Variants in MACROD2 observed in about 807,000 individuals in gnomAD.
The protein encoded by MACROD2 is ADP-ribose glycohydrolase MACROD2.
MACROD2 carries 36 observed loss-of-function variants against 70.4 expected under a neutral mutation model. That is an observed-to-expected ratio of 0.51 (90% CI 0.39 to 0.68). MACROD2 has a LOEUF of 0.68. Ranked by LOEUF, MACROD2 falls within the 30% of genes least tolerant of loss-of-function variation. The probability of loss-of-function intolerance (pLI) is 0.00; values close to 1 mark genes in which losing one functional copy is unlikely to be tolerated. For missense variants in MACROD2, 496 were observed against 538.4 expected, an observed-to-expected ratio of 0.92 and a Z score of 0.78; for synonymous variants, 172 against 178.8, an observed-to-expected ratio of 0.96 and a Z score of 0.30.
At chr20:15,582,369 C>T (rs1403084636) in intron 8 of MACROD2, among the ~76,000 whole-genome samples, 1 of 152,024 alleles carries the variant, frequency 6.6e-6, no homozygotes, top group African/African-American at 2.4e-5. Flanking sequence ...TTCAGCTAGA[C>T]CCTGGGAGGC....
chr20:15,049,431 CT>C (rs1169701296), intron 5 of MACROD2, among the ~76,000 whole-genome samples: 2 of 151,612 alleles, frequency 1.3e-5, no homozygotes, highest in Non-Finnish European at 2.9e-5. Flanking sequence ...ACAATTCTAT[CT>C]CATCATTGGC....
intron 2 of MACROD2, among the ~76,000 whole-genome samples, chr20:14,033,023 T>C (rs1462421833): frequency 6.6e-6 from 1 of 151,970 alleles, no homozygotes; most frequent in Non-Finnish European, 1.5e-5. Context: ...ATTAAGACTC[T>C]CTTCATTCTA....
At chr20:15,085,906 A>G (rs1214366627) in intron 5 of MACROD2, among the ~76,000 whole-genome samples, 1 of 151,392 alleles carries the variant, frequency 6.6e-6, no homozygotes, top group Non-Finnish European at 1.5e-5. Flanking sequence ...ACACACACAC[A>G]CACACAGATT....
chr20:14,001,870 A>C (rs1448465108), intron 1 of MACROD2, among the ~76,000 whole-genome samples: 1 of 152,200 alleles, frequency 6.6e-6, no homozygotes, highest in Non-Finnish European at 1.5e-5. Context: ...GGCTAGCACC[A>C]GGCCATGAGG....
At chr20:15,940,082 G>C (rs2065728311) in intron 12 of MACROD2, among the ~76,000 whole-genome samples, 1 of 152,066 alleles carries the variant, frequency 6.6e-6, no homozygotes, top group Admixed American at 6.6e-5. Flanking sequence ...AGGTTTGAGA[G>C]TATTGAGTTC....
intron 2 of MACROD2, among the ~76,000 whole-genome samples, chr20:14,066,723 A>G (rs188256151): frequency 6.6e-6 from 1 of 152,078 alleles, no homozygotes; most frequent in African/African-American, 2.4e-5. Context: ...TTAACCTCAC[A>G]GGTTCTAAAG....
intron 5 of MACROD2, among the ~76,000 whole-genome samples, chr20:15,079,302 A>G (rs2075684731): frequency 6.6e-6 from 1 of 151,956 alleles, no homozygotes; most frequent in African/African-American, 2.4e-5. Context: ...AAAGAATGGA[A>G]GGTTCTTGGC....
intron 3 of MACROD2, among the ~76,000 whole-genome samples, chr20:14,231,550 T>G (rs1437319692): frequency 6.6e-6 from 1 of 152,198 alleles, no homozygotes; most frequent in Non-Finnish European, 1.5e-5. Context: ...TGTTGGACAT[T>G]TGGGTTGGTT....
chr20:14,049,374 A>C (rs551530252), intron 2 of MACROD2, among the ~76,000 whole-genome samples: 9 of 151,878 alleles, frequency 5.9e-5, no homozygotes, highest in African/African-American at 2.2e-4. Flanking sequence ...AAGGAACTCT[A>C]TTTGTGTTAC....
intron 4 of MACROD2, among the ~76,000 whole-genome samples, chr20:14,524,049 T>C (rs1267930528): frequency 6.6e-6 from 1 of 152,214 alleles, no homozygotes; most frequent in African/African-American, 2.4e-5. Flanking sequence ...TTAAGGATGA[T>C]AGAATGTGCT....
chr20:15,273,236 G>A (rs182868067), intron 6 of MACROD2, among the ~76,000 whole-genome samples: 76 of 151,888 alleles, frequency 5.0e-4, no homozygotes, highest in African/African-American at 1.8e-3. Flanking sequence ...AAGGTAAAAA[G>A]GAGAGACTGG....
intron 3 of MACROD2, among the ~76,000 whole-genome samples, chr20:14,485,736 A>G (rs917527230): frequency 3.3e-5 from 5 of 150,928 alleles, no homozygotes; most frequent in African/African-American, 1.2e-4. Context: ...CCATGGAGAA[A>G]AGTATGGAAG....
chr20:15,593,116 C>T (rs554010919), intron 8 of MACROD2, among the ~76,000 whole-genome samples: 1 of 152,260 alleles, frequency 6.6e-6, no homozygotes, highest in Admixed American at 6.5e-5. Context: ...GGAGTAATTA[C>T]TCTGACATTC....
intron 13 of MACROD2, among the ~76,000 whole-genome samples, chr20:15,975,832 ATAAC>A (rs2066298318): frequency 1.3e-5 from 2 of 152,234 alleles, no homozygotes; most frequent in Non-Finnish European, 2.9e-5. Context: ...ATTTTTAAAA[ATAAC>A]TTACAATAGG....
At chr20:14,077,190 A>G (rs1195331524) in intron 2 of MACROD2, among the ~76,000 whole-genome samples, 1 of 152,184 alleles carries the variant, frequency 6.6e-6, no homozygotes, top group Non-Finnish European at 1.5e-5. Context: ...GATATTCATT[A>G]AAATCTACAT....
rs372075025 is a variant in MACROD2 at position 14,921,125 on chromosome 20, G to C, written c.418+236166G>C. On this transcript the variant is annotated intron_variant, in intron 5 of 17. Coordinates refer to ENST00000684519, the MANE Select transcript of MACROD2 (RefSeq NM_001351661.2). Reference sequence around the variant, plus strand: ...CACTGGTGAATCAACTCTGTGCTGTGATGTGTATTACCAGTCTATTGGATC... The same window carrying C: ...CACTGGTGAATCAACTCTGTGCTGTCATGTGTATTACCAGTCTATTGGATC... 5.3e-5 allele frequency among the ~76,000 whole-genome samples: 8 copies of C among 152,274 alleles called. No homozygotes were observed. The South Asian group carries it at 1.5e-3, about 28-fold the overall frequency.
At chr20:15,461,522 T>C (rs1200801764) in intron 7 of MACROD2, among the ~76,000 whole-genome samples, 3 of 152,172 alleles carry the variant, frequency 2.0e-5, no homozygotes, top group Non-Finnish European at 4.4e-5. Flanking sequence ...TTAGAATGAG[T>C]CTTTACATAC....
At chr20:14,888,804 A>G (rs1304903457) in intron 5 of MACROD2, 2 of 152,204 alleles carry the variant, frequency 1.3e-5, no homozygotes, top group Admixed American at 1.3e-4. Context: ...CAATCTATGA[A>G]TAAATGAGAT....
chr20:15,378,254 A>G (rs929556741), intron 6 of MACROD2, among the ~76,000 whole-genome samples: 2 of 150,592 alleles, frequency 1.3e-5, no homozygotes, highest in Non-Finnish European at 3.0e-5. Flanking sequence ...CTTTCTAACT[A>G]TAACTCAAAA....
Sources: allele counts gnomAD v4.1 joint callset (sites outside exome capture counted in the v4.1 genomes callset), GRCh38; gene constraint gnomAD v4.1.1; transcripts MANE v1.5; gene names NCBI Gene and HGNC (gene_info 2026-07-23, HGNC 2026-07-21).